COL12A1: variants seen among roughly 807,000 people sequenced by gnomAD.
COL12A1 encodes collagen alpha-1(XII) chain.
COL12A1 carries 114 observed loss-of-function variants against 349.7 expected under a neutral mutation model. The observed-to-expected ratio is 0.33, with a 90% CI of 0.28 to 0.38. COL12A1 has a LOEUF of 0.38. Among genes scored for constraint, COL12A1 ranks in the 10% least tolerant of loss-of-function variants. The pLI, the probability that COL12A1 is intolerant of heterozygous loss-of-function variation, is 1.00. For missense variants in COL12A1, 3,284 were observed against 3,756.9 expected (o/e 0.87, Z 3.29); for synonymous variants, 1,369 against 1,329.0 (o/e 1.03, Z -0.66).
At chr6:75,160,996 T>TAA (rs1767999788) in intron 14 of COL12A1, among the ~76,000 whole-genome samples, 1 of 152,160 alleles carries the variant, frequency 6.6e-6, no homozygotes, top group Non-Finnish European at 1.5e-5. Context: ...TATTCACCCA[T>TAA]TTATTCCAGT....
chr6:75,189,540 T>C lies in COL12A1; in HGVS notation c.658+12A>G. On this transcript the variant is annotated intron_variant, in intron 6 of 65. Transcript: ENST00000322507. ...ATTTATTTTTAACTTTAAAAAAATC[T>C]GTAGAACATACCTGTCATTGTGTTG... is the stretch of plus-strand genomic sequence containing the variant. 1 of 1,604,980 alleles carries C rather than the reference T, an allele frequency of 6.2e-7. No homozygotes were observed. Among genetic ancestry groups the C allele is most frequent in the Non-Finnish European group, 8.5e-7 (1 of 1,175,992 alleles).
rs1049452851 is a variant in COL12A1, at chr6:75,117,291, G to C, written c.7519+91C>G. Reference sequence around the variant, plus strand: ...ATTTCCCAGGATCTATTTATGCACAGACTTGATCCCACAAAGGATATAGAA... The same window carrying C: ...ATTTCCCAGGATCTATTTATGCACACACTTGATCCCACAAAGGATATAGAA... On this transcript the variant is annotated intron_variant, in intron 47 of 65. Transcript: ENST00000322507. 5 of 1,324,126 alleles carry C rather than the reference G, an allele frequency of 3.8e-6. No homozygotes were observed. The African/African-American group carries it at 5.8e-5, about 15-fold the overall frequency. 82.0% of individuals were successfully genotyped at this position (1,324,126 alleles called of 1,614,324 possible). A position where few individuals can be genotyped will look rare whatever the true frequency, so the allele number is the denominator to read the frequency against.
intron 47 of COL12A1, 85 bp downstream of exon 47, chr6:75,117,297 A>T: frequency 7.2e-7 from 1 of 1,382,302 alleles, no homozygotes; most frequent in Non-Finnish European, 1.0e-6. Flanking sequence ...CACAGACTTG[A>T]TCCCACAAAG....
intron 59 of COL12A1, among the ~76,000 whole-genome samples, chr6:75,096,254 A>G (rs1476035525): frequency 6.6e-6 from 1 of 152,218 alleles, no homozygotes; most frequent in East Asian, 1.9e-4. Context: ...GCAAATGTTA[A>G]TCTCTATAGT....
chr6:75,129,583 T>G (rs554873540), intron 37 of COL12A1, among the ~76,000 whole-genome samples: 6 of 152,196 alleles, frequency 3.9e-5, no homozygotes, highest in Non-Finnish European at 5.9e-5. Flanking sequence ...TCAAAAAGTT[T>G]GAAGCTAATA....
At chr6:75,121,063 C>A (rs185134775) in intron 44 of COL12A1, among the ~76,000 whole-genome samples, 1 of 152,106 alleles carries the variant, frequency 6.6e-6, no homozygotes, top group Admixed American at 6.5e-5. Context: ...CTTAGAATCC[C>A]CTAAGTTCTC....
intron 27 of COL12A1, among the ~76,000 whole-genome samples, chr6:75,139,334 A>G (rs1453497391): frequency 6.6e-6 from 1 of 152,192 alleles, no homozygotes; most frequent in Non-Finnish European, 1.5e-5. Flanking sequence ...AATAACCCCA[A>G]AGACACACAT....
chr6:75,135,985 C>T (rs367595659), intron 31 of COL12A1, among the ~76,000 whole-genome samples: 4 of 152,130 alleles, frequency 2.6e-5, no homozygotes, highest in East Asian at 1.9e-4. Flanking sequence ...CATGATTTCA[C>T]GGACTAGTGT....
At chr6:75,186,868 C>T (rs950962727) in intron 8 of COL12A1, among the ~76,000 whole-genome samples, 1 of 152,024 alleles carries the variant, frequency 6.6e-6, no homozygotes. Flanking sequence ...AACACAGGAA[C>T]AGAAAACCAA....
chr6:75,090,113 G>A lies in COL12A1; in HGVS notation c.8938C>T (p.Arg2980Ter), dbSNP rs1400969919. The change falls in exon 63 of 66, where the codon CGA becomes TGA. Residue 2980 changes from arginine (R) to a stop codon, truncating the protein, a stop_gained. Coordinates refer to ENST00000322507, the MANE Select transcript of COL12A1 (RefSeq NM_004370.6). LOFTEE classifies it high-confidence loss of function. This position sits in a 1 kb window ranked among gnomAD's most constrained non-coding sequence, Gnocchi z 4.1. Reference protein sequence around the residue: ...TPGMQGPPGERGLPGEKGERG... With the variant: ...TPGMQGPPGE ...TACAGAAGCCAGAAATGCCTACCTCGTTCCCCAGGGGGTCCCTGCATCCCT... is the reference window on the plus strand; with the variant it reads ...TACAGAAGCCAGAAATGCCTACCTCATTCCCCAGGGGGTCCCTGCATCCCT... 6 of 1,612,818 alleles carry A rather than the reference G, an allele frequency of 3.7e-6. No individual in the cohort carries two copies. Among genetic ancestry groups the A allele is most frequent in the Non-Finnish European group, 4.2e-6 (5 of 1,179,808 alleles).
At chr6:75,187,582 T>C (rs1490032549) in intron 8 of COL12A1, among the ~76,000 whole-genome samples, 2 of 152,098 alleles carry the variant, frequency 1.3e-5, no homozygotes, top group African/African-American at 2.4e-5. Context: ...TGAGAGCCCA[T>C]GAAGTAATGA....
intron 44 of COL12A1, 120 bp from the exon 45 acceptor site, chr6:75,119,593 T>G (rs919943816): frequency 1.1e-5 from 12 of 1,126,558 alleles, no homozygotes; most frequent in Non-Finnish European, 1.2e-5. Flanking sequence ...TCAGACCTGA[T>G]AGAATATTGT....
Position 75,138,918 on chromosome 6 carries a change from T to C in COL12A1, c.5001A>G (p.Thr1667=), listed in dbSNP as rs751163204. 1.9e-6 allele frequency: 3 copies of C among 1,614,122 alleles called. No individual in the cohort carries two copies. The highest frequency in any genetic ancestry group is 1.6e-4 in the Middle Eastern group (1 of 6,062). ...CCCAAGTCCCTCTGAAACCCTCTGA[T>C]GTTACTTCAGTAATCTTTAAGTTTG... ...APTNLKITEV[T]SEGFRGTWDH... is the part of the protein sequence containing the mutation. Residue 1667 remains threonine (T), a synonymous_variant, in exon 28 of 66, where the codon ACA becomes ACG. Coordinates refer to ENST00000322507, the MANE Select transcript of COL12A1 (RefSeq NM_004370.6).
chr6:75,173,221 G>T (rs1255368413), intron 13 of COL12A1, among the ~76,000 whole-genome samples: 1 of 152,040 alleles, frequency 6.6e-6, no homozygotes, highest in Non-Finnish European at 1.5e-5. Context: ...GGCCCAGAGG[G>T]GTTAAAGGTT....
intron 57 of COL12A1, 60 bp downstream of exon 57, chr6:75,101,939 G>A: frequency 6.4e-7 from 1 of 1,561,278 alleles, no homozygotes. Flanking sequence ...CACCTTTTGA[G>A]GCACTAGAAA....
chr6:75,130,349 T>G, intron 36 of COL12A1, 116 bp from the exon 37 acceptor site: 2 of 938,654 alleles, frequency 2.1e-6, no homozygotes, highest in Non-Finnish European at 3.1e-6. Context: ...TTTCCTCCCA[T>G]ATAATAAAAT....
chr6:75,116,147 T>C, intron 47 of COL12A1, 90 bp from the exon 48 acceptor site: 1 of 1,207,304 alleles, frequency 8.3e-7, no homozygotes, highest in African/African-American at 1.5e-5. Flanking sequence ...GTATTTCAAG[T>C]AATAAATGAC....
intron 11 of COL12A1, among the ~76,000 whole-genome samples, chr6:75,178,975 T>C (rs1006447984): frequency 2.6e-5 from 4 of 152,178 alleles, no homozygotes; most frequent in African/African-American, 9.6e-5. Flanking sequence ...GACTGATGGG[T>C]TGGAATCCTA....
At chr6:75,109,344 T>C (rs1768719354) in intron 51 of COL12A1, among the ~76,000 whole-genome samples, 177 bp from the exon 52 acceptor site, 3 of 152,150 alleles carry the variant, frequency 2.0e-5, no homozygotes, top group African/African-American at 7.2e-5. Flanking sequence ...TTGCTAATAA[T>C]ATGAAATTAG....
Sources: allele counts gnomAD v4.1 joint callset (sites outside exome capture counted in the v4.1 genomes callset), GRCh38; gene constraint gnomAD v4.1.1; non-coding constraint Gnocchi (gnomAD v3.1); transcripts MANE v1.5; gene names NCBI Gene and HGNC (gene_info 2026-07-23, HGNC 2026-07-21).